Variants in ZNF385B observed in about 807,000 individuals in gnomAD.
ZNF385B encodes zinc finger protein 533.
In ZNF385B, 23 loss-of-function variants were observed where a neutral mutation model predicts 39.2. The observed-to-expected ratio is 0.59, with a 90% confidence interval of 0.42 to 0.83. The LOEUF (loss-of-function observed/expected upper bound fraction) is 0.83. Among genes scored for constraint, ZNF385B ranks in the 40% least tolerant of loss-of-function variants. ZNF385B has a pLI of 0.00. For synonymous variants in ZNF385B, 205 were observed against 222.6 expected (o/e 0.92, Z 0.70); for missense variants, 552 against 598.9 (o/e 0.92, Z 0.82).
At chr2:179,699,219 T>A (rs187525349) in intron 3 of ZNF385B, among the ~76,000 whole-genome samples, 1 of 152,250 alleles carries the variant, frequency 6.6e-6, no homozygotes, top group East Asian at 1.9e-4. Context: ...ACCATTCACT[T>A]CTAGAACTTT....
intron 3 of ZNF385B, among the ~76,000 whole-genome samples, chr2:179,575,787 CTT>C (rs144298947): frequency 0.17 from 26,288 of 151,694 alleles, 2,388 homozygotes; most frequent in Non-Finnish European, 0.2. Context: ...TCTTAAAAGA[CTT>C]TTGTTTTTTT....
At chr2:179,643,818 A>G (rs565049705) in intron 3 of ZNF385B, among the ~76,000 whole-genome samples, 1 of 152,056 alleles carries the variant, frequency 6.6e-6, no homozygotes, top group Non-Finnish European at 1.5e-5. Flanking sequence ...ATCTCTCTCT[A>G]TATATATGTA....
At chr2:179,451,355 G>T (rs868304643) in intron 6 of ZNF385B, among the ~76,000 whole-genome samples, 4 of 151,948 alleles carry the variant, frequency 2.6e-5, no homozygotes, top group South Asian at 2.1e-4. Context: ...GAAATCTTGG[G>T]GTTTTCTTGG....
In ZNF385B at chr2:179,550,792, TTGC is replaced by T. The variant is rs372924068; in HGVS notation, c.299-5826_299-5824del. On this transcript the variant is annotated intron_variant, in intron 3 of 9. Coordinates refer to ENST00000410066, the MANE Select transcript of ZNF385B (RefSeq NM_152520.6). ...TCTCTCTGTCTTCATATTTCAGATT[TTGC>T]TGCTGCTGCTGCTGCTGCTAAGAAT... is the stretch of plus-strand genomic sequence containing the variant. Among the ~76,000 whole-genome samples the T allele has an allele frequency of 7.8e-4, 116 of 149,180 alleles. 4 individuals carry two copies. The highest frequency in any genetic ancestry group is 1.4e-3 in the Non-Finnish European group (94 of 67,574).
intron 3 of ZNF385B, among the ~76,000 whole-genome samples, chr2:179,637,946 A>G (rs533123059): frequency 6.6e-6 from 1 of 152,352 alleles, no homozygotes; most frequent in South Asian, 2.1e-4. Flanking sequence ...TGAAGACAAC[A>G]CTGAATTTGG....
chr2:179,673,795 T>C (rs972217776), intron 3 of ZNF385B, among the ~76,000 whole-genome samples: 2 of 150,822 alleles, frequency 1.3e-5, no homozygotes, highest in African/African-American at 4.9e-5. Flanking sequence ...TCTAGTTTTA[T>C]TTGAAGATAC....
chr2:179,685,062 T>C (rs1575224777), intron 3 of ZNF385B, among the ~76,000 whole-genome samples: 1 of 152,228 alleles, frequency 6.6e-6, no homozygotes, highest in African/African-American at 2.4e-5. Context: ...CTATATCTAA[T>C]TGAAGAGTTT....
At chr2:179,681,008 T>C (rs546215368) in intron 3 of ZNF385B, among the ~76,000 whole-genome samples, 88 of 152,056 alleles carry the variant, frequency 5.8e-4, no homozygotes, top group Non-Finnish European at 8.5e-4. Flanking sequence ...GATCCCTGGA[T>C]CCTTTCTATT....
rs778383105 is a variant in ZNF385B at position 179,769,554 on chromosome 2, C to A, written c.247G>T (p.Gly83Trp). Residue 83 changes from glycine (G) to tryptophan (W), a missense_variant, in exon 3 of 10, where the codon GGG becomes TGG. Gly to Trp is a radical substitution (Grantham distance 184). Transcript: ENST00000410066. ...HRKRVKQLSD[G>W]QPPPPAQASP... The stretch of plus-strand genomic sequence containing the variant: ...GCCTGGGCGGGTGGTGGGGGCTGCC[C>A]ATCACTCAGCTGCTTCACTCGTTTG... 6.2e-7 allele frequency: 1 copy of A among 1,614,142 alleles called. No homozygotes were observed. The highest frequency in any genetic ancestry group is 8.5e-7 in the Non-Finnish European group (1 of 1,180,030).
At chr2:179,598,111 A>G (rs1485626663) in intron 3 of ZNF385B, among the ~76,000 whole-genome samples, 2 of 152,194 alleles carry the variant, frequency 1.3e-5, no homozygotes, top group Non-Finnish European at 2.9e-5. Context: ...TAGGATGAAG[A>G]CATACTCAAT....
chr2:179,486,474 A>G (rs1319677258), intron 5 of ZNF385B, among the ~76,000 whole-genome samples: 2 of 152,266 alleles, frequency 1.3e-5, no homozygotes, highest in Non-Finnish European at 2.9e-5. Context: ...GAAGTAAAAA[A>G]TATACACAAA....
At position 179,553,146 on chromosome 2, in the gene ZNF385B, G is replaced by C. The variant is rs185973569; in HGVS notation, c.299-8177C>G. Among the ~76,000 whole-genome samples the C allele has an allele frequency of 9.4e-4, 140 of 149,202 alleles. 2 individuals are homozygous for C. The highest frequency in any genetic ancestry group is 6.9e-3 in the Middle Eastern group (2 of 290). ...ATATAGATACATTCTCCAGCTGAGG[G>C]AGAAGCATTTTACCATAAACCTGAG... On this transcript the variant is annotated intron_variant, in intron 3 of 9. Coordinates refer to ENST00000410066, the MANE Select transcript of ZNF385B (RefSeq NM_152520.6).
Position 179,493,742 on chromosome 2 carries a change from C to CAT in ZNF385B, c.553-10310_553-10309dup, listed in dbSNP as rs1164292601. 1.7e-3 allele frequency among the ~76,000 whole-genome samples: 231 copies of CAT among 133,272 alleles called. 7 individuals are homozygous for CAT. The South Asian group carries it at 0.018, about 10-fold the overall frequency. The allele number at this position is 133,272 out of a possible 152,430, so 87.4% of individuals were successfully genotyped here. A position where few individuals can be genotyped will look rare whatever the true frequency, so the allele number is the denominator to read the frequency against. ...ATATACGTATATACATATATGTATA[C>CAT]ATATGTGTATATACATATATGTATA... On this transcript the variant is annotated intron_variant, in intron 5 of 9. Coordinates refer to ENST00000410066, the MANE Select transcript of ZNF385B (RefSeq NM_152520.6).
intron 1 of ZNF385B, among the ~76,000 whole-genome samples, chr2:179,799,544 A>G (rs1410228502): frequency 6.6e-6 from 1 of 152,040 alleles, no homozygotes. Context: ...AATTTATAAT[A>G]GAAATATTAA....
Position 179,696,326 on chromosome 2 carries a change from CTTTTTTT to C in ZNF385B, c.298+73170_298+73176del, listed in dbSNP as rs71029828. Among the ~76,000 whole-genome samples, 40 of 40,358 alleles carry C rather than the reference CTTTTTTT, an allele frequency of 9.9e-4. 2 individuals carry two copies. Among genetic ancestry groups the C allele is most frequent in the South Asian group, 9.6e-3 (7 of 728 alleles). 26.5% of individuals were successfully genotyped at this position (40,358 alleles called of 152,430 possible). A position where few individuals can be genotyped will look rare whatever the true frequency, so the allele number is the denominator to read the frequency against. ...CTGGGACACTAGGTACAAACTGGGA[CTTTTTTT>C]TTTTTTTTTTTTTTTTGCATCCTAG... On this transcript the variant is annotated intron_variant, in intron 3 of 9. Coordinates refer to ENST00000410066, the MANE Select transcript of ZNF385B (RefSeq NM_152520.6).
chr2:179,566,914 CTTTTTTTT>C (rs372093398), intron 3 of ZNF385B, among the ~76,000 whole-genome samples: 1 of 131,628 alleles, frequency 7.6e-6, no homozygotes, highest in Non-Finnish European at 1.6e-5. Context: ...CTTTTCTTTT[CTTTTTTTT>C]TTTTTTTTTT....
intron 3 of ZNF385B, among the ~76,000 whole-genome samples, chr2:179,561,119 T>C (rs1398328582): frequency 6.6e-6 from 1 of 152,224 alleles, no homozygotes; most frequent in Admixed American, 6.5e-5. Context: ...CTTTTACATA[T>C]ATTAAGTAGC....
At chr2:179,549,892 T>C (rs2060463284) in intron 3 of ZNF385B, among the ~76,000 whole-genome samples, 1 of 149,038 alleles carries the variant, frequency 6.7e-6, no homozygotes, top group East Asian at 1.9e-4. Flanking sequence ...TTTTTTTTTT[T>C]CTGATGCTCA....
intron 6 of ZNF385B, among the ~76,000 whole-genome samples, chr2:179,460,736 C>A (rs1444439968): frequency 6.6e-6 from 1 of 152,186 alleles, no homozygotes; most frequent in Non-Finnish European, 1.5e-5. Context: ...GACTCAGAGG[C>A]TGACTCAGCC....
Sources: gnomAD v4.1 joint callset for allele counts (sites outside exome capture counted in the v4.1 genomes callset) on GRCh38, gnomAD v4.1.1 for gene constraint, MANE v1.5 for transcripts, NCBI Gene and HGNC (gene_info 2026-07-23, HGNC 2026-07-21) for gene names.